Variants in FOXP1 observed in about 807,000 individuals in gnomAD.
FOXP1 encodes the protein forkhead box protein P1.
Under a neutral mutation model 98.2 loss-of-function variants are expected in FOXP1, and 15 were observed. The ratio of observed to expected loss-of-function variants is 0.15; its 90% CI spans 0.10 to 0.24. FOXP1 has a LOEUF of 0.24. FOXP1 is among the 10% of genes least tolerant of loss of function. The probability of loss-of-function intolerance (pLI) is 1.00; values close to 1 mark genes in which losing one functional copy is unlikely to be tolerated. For missense variants in FOXP1, 633 were observed against 848.5 expected, an observed-to-expected ratio of 0.75 and a Z score of 3.15; for synonymous variants, 371 against 314.5, an observed-to-expected ratio of 1.18 and a Z score of -1.90.
chr3:71,060,937 T>C (rs2051386913), intron 7 of FOXP1, among the ~76,000 whole-genome samples: 2 of 152,164 alleles, frequency 1.3e-5, no homozygotes. Context: ...TTTTTCTCAT[T>C]CGAAATTAAT....
intron 11 of FOXP1, 95 bp from the exon 12 acceptor site, chr3:71,015,748 C>A: frequency 1.3e-6 from 1 of 773,800 alleles, no homozygotes. Flanking sequence ...GCCCACATGG[C>A]CAAATGTGGA....
At chr3:71,335,786 C>G (rs998793631) in intron 4 of FOXP1, among the ~76,000 whole-genome samples, 1 of 152,000 alleles carries the variant, frequency 6.6e-6, no homozygotes, top group African/African-American at 2.4e-5. Context: ...AGGTGGATCA[C>G]CTGAGTTCAG....
chr3:71,424,203 G>A (rs2083899191), intron 3 of FOXP1, among the ~76,000 whole-genome samples: 1 of 152,206 alleles, frequency 6.6e-6, no homozygotes, highest in Non-Finnish European at 1.5e-5. Context: ...CCAGCAGCAA[G>A]AAGGAAGGGA....
chr3:71,224,718 C>A (rs894220505), intron 5 of FOXP1, among the ~76,000 whole-genome samples: 1 of 152,166 alleles, frequency 6.6e-6, no homozygotes, highest in Non-Finnish European at 1.5e-5. Context: ...TGGGACAGAA[C>A]CATCCCCTCA....
At chr3:70,986,360 AAGATC>A (rs2039732283) in intron 14 of FOXP1, among the ~76,000 whole-genome samples, 1 of 152,190 alleles carries the variant, frequency 6.6e-6, no homozygotes, top group Admixed American at 6.5e-5. Flanking sequence ...AAGAAGCCCC[AAGATC>A]CAGGCCTACA....
intron 4 of FOXP1, chr3:71,302,587 T>C (rs1446684843): frequency 6.6e-6 from 1 of 151,624 alleles, no homozygotes; most frequent in Non-Finnish European, 1.5e-5. Flanking sequence ...TTTTAAAAAA[T>C]GCTGTCTCCA....
intron 7 of FOXP1, chr3:71,064,782 G>A (rs1046843339): frequency 1.0e-6 from 1 of 984,478 alleles, no homozygotes; most frequent in Non-Finnish European, 1.2e-6. Context: ...GGAGCCGGGG[G>A]AAGGAGAGCG....
At chr3:71,134,677 A>G in intron 6 of FOXP1, among the ~76,000 whole-genome samples, 1 of 152,222 alleles carries the variant, frequency 6.6e-6, no homozygotes, top group African/African-American at 2.4e-5. Flanking sequence ...GAAATAGCCC[A>G]TACAGCTGGG....
chr3:70,955,791 T>C lies in FOXP1; in HGVS notation c.*3456A>G, dbSNP rs1229515247. ...GCAGTGGTAGGATAAACACAAGGGATAGGAATGTATCAAAAAACAGATTAA... is the reference window on the plus strand; with the variant it reads ...GCAGTGGTAGGATAAACACAAGGGACAGGAATGTATCAAAAAACAGATTAA... On this transcript the variant is annotated 3_prime_UTR_variant, in exon 21 of 21. Coordinates refer to ENST00000649528, the MANE Select transcript of FOXP1 (RefSeq NM_001349338.3). 2 of 232,508 alleles carry C rather than the reference T, an allele frequency of 8.6e-6. No individual in the cohort carries two copies. Among genetic ancestry groups the C allele is most frequent in the African/African-American group, 2.2e-5 (1 of 44,830 alleles). 14.4% of individuals were successfully genotyped at this position (232,508 alleles called of 1,614,324 possible).
At chr3:70,999,706 G>C (rs1283445043) in intron 13 of FOXP1, among the ~76,000 whole-genome samples, 1 of 148,360 alleles carries the variant, frequency 6.7e-6, no homozygotes, top group Admixed American at 6.6e-5. Flanking sequence ...TTTCTATCCT[G>C]AAAAGTCACA....
chr3:71,188,715 T>A (rs1188694429), intron 6 of FOXP1, among the ~76,000 whole-genome samples: 30 of 152,326 alleles, frequency 2.0e-4, no homozygotes, highest in South Asian at 2.1e-4. Flanking sequence ...CTGCTTTGTC[T>A]CTTTTAATAG....
chr3:71,332,120 T>C (rs1368711801), intron 4 of FOXP1: 5 of 152,272 alleles, frequency 3.3e-5, no homozygotes, highest in East Asian at 1.9e-4. Context: ...GCTTTGTTCT[T>C]TCGCTGTTTG....
chr3:71,313,711 G>C (rs2074871857), intron 4 of FOXP1, among the ~76,000 whole-genome samples: 1 of 151,494 alleles, frequency 6.6e-6, no homozygotes, highest in East Asian at 2.0e-4. Context: ...ATTTTTAGTA[G>C]AGACGGGGTT....
In FOXP1 at chr3:71,364,809, C is replaced by G. The variant is rs75181822; in HGVS notation, c.-167-5565G>C. ...ATTAAAAAAGAAGTCACATTTCAAA[C>G]AAAATAAATGTTGAGATCATATTAA... On this transcript the variant is annotated intron_variant, in intron 3 of 20. Transcript: ENST00000649528. 1.4e-3 allele frequency among the ~76,000 whole-genome samples: 208 copies of G among 152,246 alleles called. 4 individuals are homozygous for G. The East Asian group carries it at 0.032, about 24-fold the overall frequency.
At chr3:71,483,648 T>C (rs970544196) in intron 3 of FOXP1, among the ~76,000 whole-genome samples, 1 of 152,166 alleles carries the variant, frequency 6.6e-6, no homozygotes, top group African/African-American at 2.4e-5. Context: ...ATACCATCCA[T>C]GGCTGCTTAG....
chr3:71,523,589 G>A (rs571439269), intron 2 of FOXP1, among the ~76,000 whole-genome samples: 13 of 152,250 alleles, frequency 8.5e-5, no homozygotes, highest in African/African-American at 3.1e-4. Flanking sequence ...ATTTTGCGGT[G>A]ACATCCCGAG....
chr3:71,344,785 G>C (rs111558632), intron 4 of FOXP1, among the ~76,000 whole-genome samples: 21 of 149,942 alleles, frequency 1.4e-4, no homozygotes, highest in African/African-American at 4.9e-4. Context: ...AGTGAGCTGA[G>C]ATGTGCCATT....
At chr3:70,996,825 C>T (rs143747605) in intron 13 of FOXP1, among the ~76,000 whole-genome samples, 291 of 152,288 alleles carry the variant, frequency 1.9e-3, no homozygotes, top group Admixed American at 4.6e-3. Context: ...TGTGGTCTAT[C>T]TCTACCACAT....
chr3:71,154,756 G>T (rs1443911388), intron 6 of FOXP1, among the ~76,000 whole-genome samples: 2 of 152,320 alleles, frequency 1.3e-5, no homozygotes, highest in African/African-American at 4.8e-5. Flanking sequence ...TGAGGATAAA[G>T]TAAGACAGTT....
Sources: gnomAD v4.1 joint callset for allele counts (sites outside exome capture counted in the v4.1 genomes callset) on GRCh38, gnomAD v4.1.1 for gene constraint, MANE v1.5 for transcripts, NCBI Gene and HGNC (gene_info 2026-07-23, HGNC 2026-07-21) for gene names.